The following ADGRA1 variants were observed in gnomAD, a reference collection of about 807,000 sequenced individuals.
ADGRA1 encodes adhesion G protein-coupled receptor A1.
ADGRA1 carries 12 observed loss-of-function variants against 21.3 expected under a neutral mutation model. The observed-to-expected ratio is 0.56, with a 90% CI of 0.36 to 0.91. The LOEUF is 0.91. Among genes scored for constraint, ADGRA1 ranks in the 40% least tolerant of loss-of-function variants. The pLI is 0.01. For missense variants in ADGRA1, 790 were observed against 805.6 expected, an observed-to-expected ratio of 0.98 and a Z score of 0.23; for synonymous variants, 385 against 368.8, an observed-to-expected ratio of 1.04 and a Z score of -0.50.
chr10:133,114,451 T>C (rs1313833747), intron 5 of ADGRA1, among the ~76,000 whole-genome samples: 1 of 152,166 alleles, frequency 6.6e-6, no homozygotes, highest in Non-Finnish European at 1.5e-5. Flanking sequence ...AGCTGGGCAT[T>C]GTGGTGCCGT....
At chr10:133,093,582 T>C (rs1230605372) in intron 2 of ADGRA1, among the ~76,000 whole-genome samples, 1 of 152,224 alleles carries the variant, frequency 6.6e-6, no homozygotes, top group East Asian at 1.9e-4. Flanking sequence ...TAGAGCAACC[T>C]GGGCCATCCT....
chr10:133,128,973 C>A lies in ADGRA1; in HGVS notation c.1145C>A (p.Pro382Gln). ...GHASCLSPAT[P>Q]CCAKMHCEPL... ...GCCAGTTGCCTGTCACCGGCCACCCCGTGCTGCGCCAAGATGCACTGCGAG... is the reference window on the plus strand; with the variant it reads ...GCCAGTTGCCTGTCACCGGCCACCCAGTGCTGCGCCAAGATGCACTGCGAG... The change falls in exon 7 of 7, where the codon CCG (proline) becomes CAG (glutamine). Residue 382 changes from proline (P) to glutamine (Q), a missense_variant. Physicochemically the swap from Pro to Gln is moderately conservative, Grantham distance 76. Around this residue, in one of 3 missense-constraint regions of ADGRA1, gnomAD observed 391 missense variants for 351.5 expected, o/e 1.11. Coordinates refer to ENST00000392607, the MANE Select transcript of ADGRA1 (RefSeq NM_001083909.3). 6.4e-7 allele frequency: 1 copy of A among 1,559,060 alleles called. No homozygotes were observed. The highest frequency in any genetic ancestry group is 8.7e-7 in the Non-Finnish European group (1 of 1,153,262).
Position 133,093,187 on chromosome 10 carries a change from A to G in ADGRA1, c.4-3787A>G, listed in dbSNP as rs781273756. ...CCGGACACCTCACCCGCAGGGAGGA[A>G]GATTCCTTCAGGCAGCTGGCATTCC... On this transcript the variant is annotated intron_variant, in intron 2 of 6. Transcript: ENST00000392607. 1.2e-5 allele frequency: 19 copies of G among 1,594,558 alleles called. No homozygotes were observed. In the South Asian group the frequency reaches 2.1e-4, roughly 18 times the overall value.
intron 5 of ADGRA1, among the ~76,000 whole-genome samples, chr10:133,113,814 A>T (rs1306442458): frequency 6.6e-6 from 1 of 152,192 alleles, no homozygotes; most frequent in African/African-American, 2.4e-5. Flanking sequence ...AGCAGCTCTG[A>T]GATCTGTGAA....
chr10:133,088,946 G>C, intron 2 of ADGRA1, 34 bp downstream of exon 2: 1 of 1,240,074 alleles, frequency 8.1e-7, no homozygotes, highest in East Asian at 3.1e-5. Context: ...CCTGCAGCTG[G>C]GGGCTAGGCC....
intron 1 of ADGRA1, 54 bp from the exon 2 acceptor site, chr10:133,088,654 C>G: frequency 8.8e-7 from 1 of 1,135,542 alleles, no homozygotes; most frequent in Non-Finnish European, 1.1e-6. Context: ...GGGCTGCGAG[C>G]TGCCCTCCGC....
intron 5 of ADGRA1, among the ~76,000 whole-genome samples, chr10:133,107,412 A>G (rs1260391188): frequency 6.6e-6 from 1 of 152,166 alleles, no homozygotes; most frequent in African/African-American, 2.4e-5. Context: ...CGGTCTAGCT[A>G]AAGGTTTGCC....
intron 4 of ADGRA1, 68 bp downstream of exon 4, chr10:133,098,831 A>G (rs1851736748): frequency 1.3e-6 from 2 of 1,545,218 alleles, no homozygotes; most frequent in African/African-American, 1.4e-5. Context: ...CTTGTTTACT[A>G]AATAATATTC....
At chr10:133,096,098 A>G (rs1028701262) in intron 2 of ADGRA1, among the ~76,000 whole-genome samples, 27 of 152,238 alleles carry the variant, frequency 1.8e-4, no homozygotes, top group African/African-American at 6.3e-4. Context: ...GGGGCCCTGA[A>G]GCACAGACAT....
chr10:133,099,398 C>G (rs1307916081), intron 4 of ADGRA1, among the ~76,000 whole-genome samples: 14 of 152,180 alleles, frequency 9.2e-5, no homozygotes. Flanking sequence ...GCAAGCTCGT[C>G]CTTTGCACAG....
chr10:133,112,717 C>CA (rs1564850353), intron 5 of ADGRA1, among the ~76,000 whole-genome samples: 1 of 111,794 alleles, frequency 8.9e-6, no homozygotes, highest in Admixed American at 9.4e-5. Context: ...TTGGGGTCTG[C>CA]GGGCCGCGTC....
chr10:133,104,523 C>G (rs963149670), intron 5 of ADGRA1, among the ~76,000 whole-genome samples: 1 of 152,174 alleles, frequency 6.6e-6, no homozygotes, highest in African/African-American at 2.4e-5. Context: ...ACCGGCGGAC[C>G]CAGCGACGGC....
At chr10:133,091,224 G>A (rs925017623) in intron 2 of ADGRA1, among the ~76,000 whole-genome samples, 4 of 152,262 alleles carry the variant, frequency 2.6e-5, no homozygotes, top group Admixed American at 6.5e-5. Context: ...CCTGCCAACT[G>A]GGAGGCCTGG....
intron 5 of ADGRA1, among the ~76,000 whole-genome samples, chr10:133,116,879 G>A (rs1427991921): frequency 6.6e-6 from 1 of 152,200 alleles, no homozygotes. Flanking sequence ...AATGAGGAAC[G>A]CCAGGATAGT....
intron 5 of ADGRA1, among the ~76,000 whole-genome samples, chr10:133,106,736 G>A (rs567083850): frequency 6.6e-6 from 1 of 152,380 alleles, no homozygotes; most frequent in South Asian, 2.1e-4. Flanking sequence ...CACACAGAGT[G>A]TGCAGCATGC....
rs764072768 is a variant in ADGRA1, at chr10:133,128,692, C to T, written c.864C>T (p.Ser288=). The change falls in exon 7 of 7, where the codon AGC becomes AGT. Residue 288 remains serine (S), a synonymous_variant. Transcript: ENST00000392607. ...GCCACTTCCTGGACATGGTCTTCAG[C>T]TGCCTGTACGGCGCCTTCTGCGTGA... The part of the protein sequence containing the change: ...SQGHFLDMVF[S]CLYGAFCVTL... 6 of 1,611,844 alleles carry T rather than the reference C, an allele frequency of 3.7e-6. No individual in the cohort carries two copies. The highest frequency in any genetic ancestry group is 5.1e-6 in the Non-Finnish European group (6 of 1,179,642).
rs751097604 is a variant in ADGRA1, at chr10:133,128,912, T to A, written c.1084T>A (p.Cys362Ser). The A allele has an allele frequency of 1.9e-6, 3 of 1,557,594 alleles. No homozygotes were observed. In the East Asian group the frequency reaches 7.0e-5, roughly 37 times the overall value. ...GGGCTTCGCGCACCCACCGGGCCCCTGCAAGATGACCAACCTGCAGGCCGC... is the reference window on the plus strand; with the variant it reads ...GGGCTTCGCGCACCCACCGGGCCCCAGCAAGATGACCAACCTGCAGGCCGC... ...PRGFAHPPGP[C>S]KMTNLQAAQG... is the part of the protein sequence containing the mutation. The change falls in exon 7 of 7, where the codon TGC becomes AGC. Residue 362 changes from cysteine (C) to serine (S), a missense_variant. Physicochemically the swap from Cys to Ser is moderately radical, Grantham distance 112. Coordinates refer to ENST00000392607, the MANE Select transcript of ADGRA1 (RefSeq NM_001083909.3).
At chr10:133,110,187 C>T (rs545118367) in intron 5 of ADGRA1, among the ~76,000 whole-genome samples, 7 of 152,360 alleles carry the variant, frequency 4.6e-5, no homozygotes, top group Non-Finnish European at 8.8e-5. Context: ...AGGATCCACA[C>T]GGAACCTGCT....
intron 4 of ADGRA1, chr10:133,102,100 C>A (rs1851805293): frequency 4.9e-6 from 2 of 409,178 alleles, no homozygotes. Flanking sequence ...TCGTAATAAG[C>A]AAACGCAGGA....
Sources: allele counts gnomAD v4.1 joint callset (sites outside exome capture counted in the v4.1 genomes callset), GRCh38; gene constraint gnomAD v4.1.1; regional missense constraint gnomAD v4.1.1; transcripts MANE v1.5; gene names NCBI Gene and HGNC (gene_info 2026-07-23, HGNC 2026-07-21).